The following MKLN1 variants were observed in gnomAD, a reference collection of about 807,000 sequenced individuals.
MKLN1 encodes the protein muskelin.
MKLN1 carries 18 observed loss-of-function variants against 99.0 expected under a neutral mutation model. The ratio of observed to expected loss-of-function variants is 0.18; its 90% CI spans 0.13 to 0.27. The LOEUF (loss-of-function observed/expected upper bound fraction) is 0.27, where lower values mean the gene tolerates loss of function less well. MKLN1 is among the 10% of genes least tolerant of loss of function. MKLN1 has a pLI of 1.00. For missense variants in MKLN1, 621 were observed against 875.9 expected (o/e 0.71, Z 3.67); for synonymous variants, 288 against 293.2 (o/e 0.98, Z 0.18).
intron 3 of MKLN1, among the ~76,000 whole-genome samples, chr7:131,252,618 G>A (rs115761825): frequency 0.012 from 1,889 of 152,120 alleles, 43 homozygotes; most frequent in African/African-American, 0.043. Context: ...GTGAGCCACC[G>A]CACCCAGGCA....
chr7:131,208,526 T>C (rs961610863), intron 3 of MKLN1, among the ~76,000 whole-genome samples: 4 of 151,826 alleles, frequency 2.6e-5, no homozygotes, highest in African/African-American at 9.7e-5. Flanking sequence ...GCCTGGGAGG[T>C]TGGTCGAGGC....
At chr7:131,477,770 G>C (rs1052576490) in intron 16 of MKLN1, among the ~76,000 whole-genome samples, 7 of 152,224 alleles carry the variant, frequency 4.6e-5, no homozygotes, top group Non-Finnish European at 7.3e-5. Flanking sequence ...GCATAGATGT[G>C]AAATATATCC....
chr7:131,255,428 A>C (rs902371336), intron 3 of MKLN1, among the ~76,000 whole-genome samples: 11 of 152,220 alleles, frequency 7.2e-5, no homozygotes, highest in Non-Finnish European at 1.6e-4. Context: ...CAAACATACA[A>C]TGTATAAGGA....
At chr7:131,149,743 T>C (rs566800680) in intron 2 of MKLN1, among the ~76,000 whole-genome samples, 1 of 152,348 alleles carries the variant, frequency 6.6e-6, no homozygotes, top group East Asian at 1.9e-4. Context: ...TCTCAGTTTT[T>C]CAAACATGTA....
At chr7:131,222,210 C>T (rs1266392464) in intron 3 of MKLN1, among the ~76,000 whole-genome samples, 2 of 152,160 alleles carry the variant, frequency 1.3e-5, no homozygotes, top group Non-Finnish European at 2.9e-5. Context: ...TAAATATTAA[C>T]TCATTTAATC....
intron 12 of MKLN1, among the ~76,000 whole-genome samples, chr7:131,447,373 T>G (rs1796046086): frequency 1.3e-5 from 2 of 152,220 alleles, no homozygotes; most frequent in African/African-American, 4.8e-5. Flanking sequence ...TGACTTTCTC[T>G]GGCTTTTAAG....
intron 4 of MKLN1, among the ~76,000 whole-genome samples, chr7:131,393,507 G>A (rs1187950499): frequency 6.6e-6 from 1 of 152,026 alleles, no homozygotes; most frequent in Non-Finnish European, 1.5e-5. Flanking sequence ...TCCTCTAAAG[G>A]TATTCTTTAA....
chr7:131,367,412 G>A (rs1800213396), intron 1 of MKLN1, among the ~76,000 whole-genome samples: 1 of 152,142 alleles, frequency 6.6e-6, no homozygotes, highest in Admixed American at 6.5e-5. Flanking sequence ...TCATATAGTT[G>A]ATACCGAATT....
At chr7:131,160,409 T>A (rs879631955) in intron 2 of MKLN1, among the ~76,000 whole-genome samples, 34 of 151,708 alleles carry the variant, frequency 2.2e-4, no homozygotes, top group Non-Finnish European at 4.7e-4. Flanking sequence ...AATGTACATT[T>A]TATAATTTTC....
intron 1 of MKLN1, among the ~76,000 whole-genome samples, chr7:131,141,412 T>A (rs1193007336): frequency 6.6e-6 from 1 of 152,184 alleles, no homozygotes; most frequent in Non-Finnish European, 1.5e-5. Flanking sequence ...AAACCTGATC[T>A]CCAGTCCGGA....
upstream of MKLN1, among the ~76,000 whole-genome samples, chr7:131,326,093 T>G (rs1661476686): frequency 6.6e-6 from 1 of 152,190 alleles, no homozygotes; most frequent in African/African-American, 2.4e-5. Context: ...TGACTTACAT[T>G]AAGGTAAGAA....
intron 3 of MKLN1, among the ~76,000 whole-genome samples, chr7:131,250,936 ATT>A (rs61277190): frequency 6.7e-6 from 1 of 148,726 alleles, no homozygotes; most frequent in Admixed American, 6.7e-5. Flanking sequence ...TGGGAAGTTA[ATT>A]TTTTTTTTTG....
chr7:131,464,726 T>C (rs571840468), intron 14 of MKLN1, among the ~76,000 whole-genome samples: 69 of 152,230 alleles, frequency 4.5e-4, no homozygotes, highest in Non-Finnish European at 1.5e-4. Context: ...ATATGTACAG[T>C]TGTCAGCATT....
chr7:131,301,752 A>G (rs914179357), intron 3 of MKLN1, among the ~76,000 whole-genome samples: 1 of 152,146 alleles, frequency 6.6e-6, no homozygotes, highest in Non-Finnish European at 1.5e-5. Flanking sequence ...AGGATTTGCT[A>G]TCACCAGGCT....
intron 8 of MKLN1, among the ~76,000 whole-genome samples, chr7:131,425,655 C>T (rs1272211310): frequency 6.6e-6 from 1 of 152,060 alleles, no homozygotes; most frequent in Non-Finnish European, 1.5e-5. Flanking sequence ...GCCTATATCC[C>T]ATTCAGAAAA....
At chr7:131,415,927 A>G (rs923506959) in intron 8 of MKLN1, among the ~76,000 whole-genome samples, 2 of 152,104 alleles carry the variant, frequency 1.3e-5, no homozygotes, top group Admixed American at 1.3e-4. Flanking sequence ...CATCAGTACT[A>G]TAAGGAAAAT....
At chr7:131,110,136 G>A (rs1042267543), upstream of MKLN1, 4 of 215,656 alleles carry the variant, frequency 1.9e-5, no homozygotes, top group Non-Finnish European at 3.7e-5. Context: ...GGCAAACACC[G>A]AGCTCCTCCA....
intron 3 of MKLN1, among the ~76,000 whole-genome samples, chr7:131,267,057 G>A (rs1797818959): frequency 6.6e-6 from 1 of 152,062 alleles, no homozygotes; most frequent in Admixed American, 6.6e-5. Flanking sequence ...TTCCGGCTGG[G>A]CGTGGTAGCT....
At chr7:131,216,905 C>T (rs187901402) in intron 3 of MKLN1, among the ~76,000 whole-genome samples, 57 of 152,302 alleles carry the variant, frequency 3.7e-4, no homozygotes, top group Admixed American at 1.2e-3. Context: ...TGGGCCCATA[C>T]CTGGCTTTAT....
Sources: allele counts gnomAD v4.1 joint callset (sites outside exome capture counted in the v4.1 genomes callset), GRCh38; gene constraint gnomAD v4.1.1; transcripts MANE v1.5; gene names NCBI Gene and HGNC (gene_info 2026-07-23, HGNC 2026-07-21).